The following SLF1 variants were observed in gnomAD, a reference collection of about 807,000 sequenced individuals.
The protein encoded by SLF1 is SMC5/6 complex localization factor 1, also known as SMC5-SMC6 complex localization factor protein 1.
Under a neutral mutation model 123.0 loss-of-function variants are expected in SLF1, and 105 were observed. The ratio of observed to expected loss-of-function variants is 0.85; its 90% CI spans 0.73 to 1.00. The LOEUF (loss-of-function observed/expected upper bound fraction) is 1.00. Among genes scored for constraint, SLF1 ranks in the 50% least tolerant of loss-of-function variants. The probability of loss-of-function intolerance (pLI) is 0.00; values close to 1 mark genes in which losing one functional copy is unlikely to be tolerated. For synonymous variants in SLF1, 434 were observed against 406.6 expected (o/e 1.07, Z -0.81); for missense variants, 1,239 against 1,223.0 (o/e 1.01, Z -0.20).
In SLF1 at chr5:94,649,935, A is replaced by T. The variant is rs75265225; in HGVS notation, c.738+338A>T. Among the ~76,000 whole-genome samples the T allele has an allele frequency of 3.8e-3, 576 of 152,302 alleles. 2 individuals are homozygous for T. The highest frequency in any genetic ancestry group is 0.013 in the African/African-American group (556 of 41,572). On this transcript the variant is annotated intron_variant, in intron 6 of 20. Coordinates refer to ENST00000265140, the MANE Select transcript of SLF1 (RefSeq NM_032290.4). ...TAAAGCATTTTTCTTACCTGAGAGC[A>T]CAATATATAATTCATGTAAATTCAA...
intron 10 of SLF1, 93 bp from the exon 11 acceptor site, chr5:94,663,657 G>A (rs1749398572): frequency 4.5e-6 from 5 of 1,100,694 alleles, no homozygotes; most frequent in Non-Finnish European, 6.3e-6. Flanking sequence ...ATGAATGAAT[G>A]AATAAATAAA....
intron 15 of SLF1, among the ~76,000 whole-genome samples, chr5:94,685,806 G>C (rs1011583652): frequency 6.6e-6 from 1 of 151,072 alleles, no homozygotes; most frequent in Non-Finnish European, 1.5e-5. Flanking sequence ...CTGCACTCCA[G>C]CCTGGCAACA....
chr5:94,675,190 A>C (rs982656987), intron 14 of SLF1, among the ~76,000 whole-genome samples: 8 of 152,208 alleles, frequency 5.3e-5, no homozygotes, highest in African/African-American at 1.9e-4. Context: ...AGATTAGTCA[A>C]GTTTTGGAAG....
intron 6 of SLF1, among the ~76,000 whole-genome samples, chr5:94,650,396 T>C (rs1198422636): frequency 6.6e-6 from 1 of 150,902 alleles, no homozygotes; most frequent in Non-Finnish European, 1.5e-5. Flanking sequence ...AGAGTCTTGC[T>C]GTTTCGCCCA....
chr5:94,623,781 T>A (rs1458131865), intron 1 of SLF1, among the ~76,000 whole-genome samples: 2 of 152,146 alleles, frequency 1.3e-5, no homozygotes, highest in East Asian at 3.8e-4. Context: ...TTGGCCTCAT[T>A]AACATATCAG....
intron 9 of SLF1, among the ~76,000 whole-genome samples, chr5:94,660,254 G>T (rs1382411850): frequency 6.6e-6 from 1 of 152,142 alleles, no homozygotes; most frequent in Non-Finnish European, 1.5e-5. Flanking sequence ...GCTGCATGCA[G>T]GTCTAATCTG....
rs1366925487 is a variant in SLF1, at chr5:94,670,840, T to C, written c.1662-3T>C. The C allele has an allele frequency of 1.9e-6, 3 of 1,542,408 alleles. No homozygotes were observed. Among genetic ancestry groups the C allele is most frequent in the Non-Finnish European group, 8.8e-7 (1 of 1,141,562 alleles). Reference sequence around the variant, plus strand: ...ATATACTTTTTGTTTATATTTTAATTAGGTTGTATGACTGGTCAGATTCTC... The same window carrying C: ...ATATACTTTTTGTTTATATTTTAATCAGGTTGTATGACTGGTCAGATTCTC... On this transcript the variant is annotated splice_polypyrimidine_tract_variant and splice_region_variant and intron_variant, in intron 13 of 20. Transcript: ENST00000265140.
intron 10 of SLF1, among the ~76,000 whole-genome samples, chr5:94,663,035 G>A (rs1251988364): frequency 6.6e-6 from 1 of 152,148 alleles, no homozygotes; most frequent in Non-Finnish European, 1.5e-5. Context: ...TATTGCTTGT[G>A]CTTGATGATA....
At chr5:94,663,645 AAATG>A in intron 10 of SLF1, 101 bp from the exon 11 acceptor site, 21 of 1,054,172 alleles carry the variant, frequency 2.0e-5, no homozygotes, top group East Asian at 5.5e-5. Context: ...ACTCCGTCTC[AAATG>A]AATGAATGAA....
intron 12 of SLF1, among the ~76,000 whole-genome samples, chr5:94,666,953 C>CTTT (rs34215806): frequency 0.067 from 7,039 of 104,460 alleles, 257 homozygotes; most frequent in South Asian, 0.096. Context: ...CTGGGAAGAT[C>CTTT]TTTTTTTTTT....
chr5:94,637,580 C>T (rs1266427845), intron 4 of SLF1, among the ~76,000 whole-genome samples: 1 of 151,898 alleles, frequency 6.6e-6, no homozygotes, highest in Non-Finnish European at 1.5e-5. Flanking sequence ...AACTGCTATG[C>T]TTAGTACAAA....
chr5:94,644,783 G>A (rs1053725175), intron 5 of SLF1, among the ~76,000 whole-genome samples: 10 of 152,162 alleles, frequency 6.6e-5, no homozygotes, highest in Non-Finnish European at 1.2e-4. Context: ...TTACAGTTAA[G>A]TAATTGATTA....
At chr5:94,658,164 T>G (rs1748641868) in intron 9 of SLF1, among the ~76,000 whole-genome samples, 1 of 148,906 alleles carries the variant, frequency 6.7e-6, no homozygotes, top group African/African-American at 2.4e-5. Flanking sequence ...TGTTTTTTGT[T>G]TTTTTTTTTT....
chr5:94,672,192 G>A (rs1019064374), intron 14 of SLF1, among the ~76,000 whole-genome samples: 2 of 152,004 alleles, frequency 1.3e-5, no homozygotes, highest in Admixed American at 6.6e-5. Context: ...ATGACTACTA[G>A]TTATGATCCT....
intron 4 of SLF1, among the ~76,000 whole-genome samples, chr5:94,637,575 C>T (rs1240963982): frequency 6.6e-6 from 1 of 151,920 alleles, no homozygotes; most frequent in Non-Finnish European, 1.5e-5. Flanking sequence ...GGCCTAACTG[C>T]TATGCTTAGT....
intron 4 of SLF1, among the ~76,000 whole-genome samples, chr5:94,642,296 T>C (rs1486548333): frequency 2.0e-5 from 3 of 152,186 alleles, no homozygotes; most frequent in East Asian, 1.9e-4. Context: ...CTTCAATCTT[T>C]TTCATGAGCA....
chr5:94,648,779 C>A (rs1474020194), intron 5 of SLF1, among the ~76,000 whole-genome samples: 5 of 152,216 alleles, frequency 3.3e-5, no homozygotes, highest in Non-Finnish European at 7.3e-5. Flanking sequence ...CGTGCCCAGC[C>A]TGAACAGCCT....
chr5:94,648,777 GCC>G (rs1285313756), intron 5 of SLF1, among the ~76,000 whole-genome samples: 7 of 152,238 alleles, frequency 4.6e-5, no homozygotes, highest in African/African-American at 1.7e-4. Flanking sequence ...ACCGTGCCCA[GCC>G]TGAACAGCCT....
Position 94,692,080 on chromosome 5 carries a change from C to T in SLF1, c.2519C>T (p.Ala840Val). ...GCCTTGATTTCTAATTTAGACAATG[C>T]TGGCTGGACGCCTTTGCATGAAGCC... is the stretch of plus-strand genomic sequence containing the variant. ...PGIDINVKDN[A>V]GWTPLHEACN... Residue 840 changes from alanine to valine, a missense_variant, in exon 20 of 21, where the codon GCT becomes GTT. Transcript: ENST00000265140. 1 of 1,613,210 alleles carries T rather than the reference C, an allele frequency of 6.2e-7. No individual in the cohort carries two copies. The highest frequency in any genetic ancestry group is 1.1e-5 in the South Asian group (1 of 90,992).
Sources: gnomAD v4.1 joint callset for allele counts (sites outside exome capture counted in the v4.1 genomes callset) on GRCh38, gnomAD v4.1.1 for gene constraint, MANE v1.5 for transcripts, NCBI Gene and HGNC (gene_info 2026-07-23, HGNC 2026-07-21) for gene names.